FBXL5: variants seen among roughly 807,000 people sequenced by gnomAD.
FBXL5 encodes F-box and leucine rich repeat protein 5, also known as F-box/LRR-repeat protein 5.
FBXL5 carries 26 observed loss-of-function variants against 78.3 expected under a neutral mutation model. The ratio of observed to expected loss-of-function variants is 0.33; its 90% CI spans 0.24 to 0.46. The LOEUF (loss-of-function observed/expected upper bound fraction) is 0.46, where lower values mean the gene tolerates loss of function less well. Among genes scored for constraint, FBXL5 ranks in the 20% least tolerant of loss-of-function variants. The pLI, the probability that FBXL5 is intolerant of heterozygous loss-of-function variation, is 1.00. For synonymous variants in FBXL5, 295 were observed against 282.5 expected (o/e 1.04, Z -0.45); for missense variants, 710 against 829.2 (o/e 0.86, Z 1.77).
At chr4:15,619,361 G>A (rs1712243929) in intron 9 of FBXL5, among the ~76,000 whole-genome samples, 1 of 152,100 alleles carries the variant, frequency 6.6e-6, no homozygotes, top group South Asian at 2.1e-4. Context: ...CCCTGACCAA[G>A]TGGGTTTTTA....
chr4:15,626,274 C>A (rs1713053202), intron 8 of FBXL5, among the ~76,000 whole-genome samples: 1 of 152,070 alleles, frequency 6.6e-6, no homozygotes, highest in South Asian at 2.1e-4. Flanking sequence ...AGTAAGGCTG[C>A]AAACACATGA....
chr4:15,646,540 TA>T lies in FBXL5; in HGVS notation c.85-1833del, dbSNP rs200749321. ...ATCAAAAGAAACCATTAATGCTAAA[TA>T]TTTTTTATTATTATTATTATTATAC... On this transcript the variant is annotated intron_variant, in intron 1 of 10. Coordinates refer to ENST00000341285, the MANE Select transcript of FBXL5 (RefSeq NM_012161.4). 9.3e-3 allele frequency among the ~76,000 whole-genome samples: 1,410 copies of T among 151,668 alleles called. 93 individuals are homozygous for T. The highest frequency in any genetic ancestry group is 0.085 in the Admixed American group (1,293 of 15,230).
In FBXL5 at chr4:15,644,475, T is replaced by A; in HGVS notation, c.300+18A>T. 5 of 1,582,754 alleles carry A rather than the reference T, an allele frequency of 3.2e-6. No individual in the cohort carries two copies. Among genetic ancestry groups the A allele is most frequent in the Non-Finnish European group, 4.3e-6 (5 of 1,161,612 alleles). On this transcript the variant is annotated intron_variant, in intron 2 of 10. Coordinates refer to ENST00000341285, the MANE Select transcript of FBXL5 (RefSeq NM_012161.4). ...TGGCACAAGTTTTGACAGTTGAATATCCATTTTTGCAACTTACCTTAACAT... is the reference window on the plus strand; with the variant it reads ...TGGCACAAGTTTTGACAGTTGAATAACCATTTTTGCAACTTACCTTAACAT...
chr4:15,672,027 C>G (rs1717790867), intron 1 of FBXL5, among the ~76,000 whole-genome samples: 1 of 152,152 alleles, frequency 6.6e-6, no homozygotes, highest in Non-Finnish European at 1.5e-5. Context: ...TTGGAGATTA[C>G]ATTGTGGATT....
chr4:15,628,098 T>C, intron 6 of FBXL5, 65 bp from the exon 7 acceptor site: 1 of 1,481,226 alleles, frequency 6.8e-7, no homozygotes, highest in Non-Finnish European at 9.3e-7. Flanking sequence ...ACTCAAGCGC[T>C]CACCAAATTG....
rs1302083337 is a variant in FBXL5, at chr4:15,650,588, TA to T, written c.84+4615del. On this transcript the variant is annotated intron_variant, in intron 1 of 10. Transcript: ENST00000341285. ...AAATTCAACAAAGAACTTATATATA[TA>T]AAAGGACGCACATAATTAACAAATA... 5.4e-4 allele frequency among the ~76,000 whole-genome samples: 81 copies of T among 150,760 alleles called. 1 individual carries two copies.
intron 8 of FBXL5, 85 bp downstream of exon 8, chr4:15,626,788 T>C (rs1713104773): frequency 1.0e-6 from 1 of 964,250 alleles, no homozygotes; most frequent in Non-Finnish European, 1.5e-6. Context: ...TAGTAAAAAA[T>C]AATAGTATGA....
At chr4:15,647,892 C>T (rs1715534280) in intron 1 of FBXL5, among the ~76,000 whole-genome samples, 1 of 152,148 alleles carries the variant, frequency 6.6e-6, no homozygotes, top group Non-Finnish European at 1.5e-5. Flanking sequence ...CTTGCTCTGA[C>T]ACCCAGGCTG....
intron 9 of FBXL5, among the ~76,000 whole-genome samples, chr4:15,619,580 C>T (rs868682157): frequency 1.3e-5 from 1 of 75,272 alleles, no homozygotes; most frequent in South Asian, 5.8e-4. Flanking sequence ...ACAAGCTTTT[C>T]CCTTAAGATT....
upstream of FBXL5, among the ~76,000 whole-genome samples, chr4:15,661,116 A>T (rs978559047): frequency 6.6e-6 from 1 of 151,974 alleles, no homozygotes; most frequent in African/African-American, 2.4e-5. Flanking sequence ...ACGAATCATT[A>T]TTTTATTTGT....
chr4:15,658,574 C>T (rs1450437491), upstream of FBXL5, among the ~76,000 whole-genome samples: 5 of 151,854 alleles, frequency 3.3e-5, no homozygotes, highest in East Asian at 7.7e-4. Context: ...CTGAGTCCCT[C>T]GCCATGTGAT....
chr4:15,647,108 A>G (rs1474227119), intron 1 of FBXL5, among the ~76,000 whole-genome samples: 1 of 151,138 alleles, frequency 6.6e-6, no homozygotes, highest in Non-Finnish European at 1.5e-5. Context: ...CTGTAGTCCC[A>G]GCTACTCGGG....
intron 9 of FBXL5, among the ~76,000 whole-genome samples, chr4:15,621,272 A>T (rs1288321802): frequency 5.9e-5 from 9 of 152,248 alleles, no homozygotes; most frequent in Admixed American, 5.9e-4. Context: ...TAGGATACAA[A>T]ATCAACATGC....
intron 3 of FBXL5, among the ~76,000 whole-genome samples, chr4:15,639,774 T>C (rs1714652742): frequency 6.6e-6 from 1 of 152,198 alleles, no homozygotes; most frequent in Non-Finnish European, 1.5e-5. Flanking sequence ...CTGATGTAAT[T>C]TGTCTGAAAA....
Position 15,625,420 on chromosome 4 carries a change from G to T in FBXL5, c.1682C>A (p.Ser561Ter). Residue 561 changes from serine to a stop codon, truncating the protein, a stop_gained, in exon 9 of 11, where the codon TCA becomes TAA. Coordinates refer to ENST00000341285, the MANE Select transcript of FBXL5 (RefSeq NM_012161.4). LOFTEE classifies it high-confidence loss of function. ...CATTGCAGAAGATTCTGGGAGTGAT[G>T]ACATAGTTCTTAAAGCTGTTCCTGT... The part of the protein sequence containing the change: ...CCTGTALRTM[S>*]SLPESSAMCR... 1 of 1,614,096 alleles carries T rather than the reference G, an allele frequency of 6.2e-7. No homozygotes were observed. Among genetic ancestry groups the T allele is most frequent in the Non-Finnish European group, 8.5e-7 (1 of 1,179,992 alleles).
At chr4:15,654,490 A>G (rs1385057760) in intron 1 of FBXL5, among the ~76,000 whole-genome samples, 1 of 152,228 alleles carries the variant, frequency 6.6e-6, no homozygotes, top group Non-Finnish European at 1.5e-5. Flanking sequence ...TCGAGCTCAT[A>G]TAAAGAAATC....
intron 9 of FBXL5, among the ~76,000 whole-genome samples, chr4:15,617,614 G>C (rs1432601603): frequency 2.0e-5 from 3 of 151,098 alleles, no homozygotes; most frequent in Admixed American, 6.6e-5. Context: ...GCCATAAAAA[G>C]GAACAAGATC....
At chr4:15,674,737 C>T in intron 1 of FBXL5, among the ~76,000 whole-genome samples, 1 of 151,754 alleles carries the variant, frequency 6.6e-6, no homozygotes, top group East Asian at 1.9e-4. Context: ...GCAAGCTCCG[C>T]CTCCCACGTT....
chr4:15,637,408 T>C (rs368378331), intron 4 of FBXL5, among the ~76,000 whole-genome samples: 2 of 152,182 alleles, frequency 1.3e-5, no homozygotes, highest in Admixed American at 6.5e-5. Flanking sequence ...CAATAAAAAA[T>C]ATAAAAGATT....
Sources: gnomAD v4.1 joint callset for allele counts (sites outside exome capture counted in the v4.1 genomes callset) on GRCh38, gnomAD v4.1.1 for gene constraint, MANE v1.5 for transcripts, NCBI Gene and HGNC (gene_info 2026-07-23, HGNC 2026-07-21) for gene names.